CAPN8: variants seen among roughly 807,000 people sequenced by gnomAD.
The protein encoded by CAPN8 is calpain 8, also known as calpain-8.
A neutral mutation model predicts 80.9 loss-of-function variants in CAPN8; 87 were observed. The observed-to-expected ratio is 1.07, with a 90% confidence interval of 0.90 to 1.28. The LOEUF (loss-of-function observed/expected upper bound fraction) is 1.28, where lower values mean the gene tolerates loss of function less well. CAPN8 is among the 50% of genes most tolerant of loss of function. The pLI is 0.00. For synonymous variants in CAPN8, 299 were observed against 273.8 expected, an observed-to-expected ratio of 1.09 and a Z score of -0.91; for missense variants, 757 against 702.0, an observed-to-expected ratio of 1.08 and a Z score of -0.89.
chr1:223,551,524 G>A (rs984208290), intron 14 of CAPN8, among the ~76,000 whole-genome samples: 1 of 152,214 alleles, frequency 6.6e-6, no homozygotes, highest in Admixed American at 6.5e-5. Flanking sequence ...CCTGGCCAGA[G>A]GTGTGTTAGT....
At chr1:223,612,402 C>A in intron 10 of CAPN8, 145 bp from the exon 11 acceptor site, 1 of 628,930 alleles carries the variant, frequency 1.6e-6, no homozygotes, top group South Asian at 8.7e-5. Flanking sequence ...AGAAGCCAGT[C>A]AGCATTTCTG....
intron 1 of CAPN8, among the ~76,000 whole-genome samples, chr1:223,656,996 T>C (rs1658512197): frequency 6.6e-6 from 1 of 152,146 alleles, no homozygotes; most frequent in Admixed American, 6.5e-5. Context: ...ATACACACAT[T>C]TTTATCACAT....
chr1:223,630,768 G>T (rs1032158959), intron 2 of CAPN8, among the ~76,000 whole-genome samples: 1 of 152,048 alleles, frequency 6.6e-6, no homozygotes, highest in African/African-American at 2.4e-5. Flanking sequence ...GACTAGACCT[G>T]GTAGTCGAGG....
intron 7 of CAPN8, among the ~76,000 whole-genome samples, chr1:223,622,446 C>T (rs1225767769): frequency 6.6e-6 from 1 of 152,166 alleles, no homozygotes; most frequent in Admixed American, 6.5e-5. Context: ...GGGGTTTGGC[C>T]TTTGTCAGTG....
chr1:223,654,284 C>A (rs1433643214), intron 2 of CAPN8, 46 bp downstream of exon 2: 12 of 1,504,098 alleles, frequency 8.0e-6, no homozygotes, highest in Non-Finnish European at 1.1e-5. Flanking sequence ...GACACATACA[C>A]ACCCGCCCTC....
intron 3 of CAPN8, 43 bp downstream of exon 3, chr1:223,628,619 A>G (rs1052660612): frequency 2.1e-6 from 3 of 1,453,972 alleles, no homozygotes; most frequent in African/African-American, 1.4e-5. Context: ...GAGCCCTAAG[A>G]ATACGGAAAA....
intron 19 of CAPN8, among the ~76,000 whole-genome samples, chr1:223,543,851 C>T (rs1656540132): frequency 6.6e-6 from 1 of 152,236 alleles, no homozygotes; most frequent in South Asian, 2.1e-4. Context: ...AAAAAGGCAT[C>T]CTCCGTCCTG....
intron 13 of CAPN8, among the ~76,000 whole-genome samples, chr1:223,556,591 C>A (rs963921181): frequency 6.6e-6 from 1 of 152,044 alleles, no homozygotes; most frequent in Non-Finnish European, 1.5e-5. Flanking sequence ...CAATGTGGAC[C>A]CATGACCAGA....
chr1:223,541,780 G>T lies in CAPN8; in HGVS notation c.*56C>A. 2 of 1,551,288 alleles carry T rather than the reference G, an allele frequency of 1.3e-6. No homozygotes were observed. Among genetic ancestry groups the T allele is most frequent in the Non-Finnish European group, 1.7e-6 (2 of 1,146,842 alleles). The stretch of plus-strand genomic sequence containing the variant: ...AATGTTCACAAAATTGTAGAGAAGG[G>T]GTGACAAGAAGCAAGCAGTGGGGCA... On this transcript the variant is annotated 3_prime_UTR_variant, in exon 21 of 21. Coordinates refer to ENST00000366872, the MANE Select transcript of CAPN8 (RefSeq NM_001143962.2).
chr1:223,648,581 A>C (rs533430911), intron 2 of CAPN8, among the ~76,000 whole-genome samples: 1 of 152,316 alleles, frequency 6.6e-6, no homozygotes, highest in South Asian at 2.1e-4. Context: ...GCCTCGCTCC[A>C]TGGGGGAGCG....
In CAPN8 at chr1:223,646,771, G is replaced by A. The variant is rs536777405; in HGVS notation, c.307+7559C>T. On this transcript the variant is annotated intron_variant, in intron 2 of 20. Coordinates refer to ENST00000366872, the MANE Select transcript of CAPN8 (RefSeq NM_001143962.2). ...AGAAATTGTCCTTAGGCCCTGGGAC[G>A]ATGTCTGCAAAACTGAAGCCACAGG... Among the ~76,000 whole-genome samples, 4 of 152,178 alleles carry A rather than the reference G, an allele frequency of 2.6e-5. No individual in the cohort carries two copies. In the South Asian group the frequency reaches 8.3e-4, roughly 32 times the overall value.
chr1:223,618,566 C>A (rs1254112073), intron 9 of CAPN8, among the ~76,000 whole-genome samples: 2 of 152,232 alleles, frequency 1.3e-5, no homozygotes, highest in Admixed American at 1.3e-4. Context: ...AGCGCACCAT[C>A]AGCCACTCTG....
At chr1:223,555,492 A>G (rs1656883214) in intron 13 of CAPN8, among the ~76,000 whole-genome samples, 1 of 152,256 alleles carries the variant, frequency 6.6e-6, no homozygotes, top group African/African-American at 2.4e-5. Flanking sequence ...AGAAGAAAAA[A>G]TGATAAACAC....
intron 2 of CAPN8, among the ~76,000 whole-genome samples, chr1:223,652,915 C>T (rs12132899): frequency 0.065 from 9,884 of 152,030 alleles, 465 homozygotes; most frequent in East Asian, 0.2. Flanking sequence ...CATGGTAACG[C>T]TCAGGCCGCT....
chr1:223,549,403 G>A (rs979813069), intron 15 of CAPN8, 21 bp from the exon 16 acceptor site: 80 of 1,551,546 alleles, frequency 5.2e-5, no homozygotes, highest in Non-Finnish European at 5.6e-5. Context: ...AAATAGAAAA[G>A]GGGAGTGGGA....
chr1:223,618,143 GGCAGGGAACATGGGGA>G (rs1657256607), intron 9 of CAPN8: 1 of 1,341,322 alleles, frequency 7.5e-7, no homozygotes, highest in Non-Finnish European at 1.0e-6. Flanking sequence ...CAGCAAACCA[GGCAGGGAACATGGGGA>G]GCAGGAGGTG....
intron 2 of CAPN8, among the ~76,000 whole-genome samples, chr1:223,648,480 G>T (rs960318867): frequency 6.6e-6 from 1 of 152,172 alleles, no homozygotes; most frequent in Non-Finnish European, 1.5e-5. Context: ...CAGATCAAAA[G>T]GTGTCCAGGA....
Position 223,616,073 on chromosome 1 carries a change from C to T in CAPN8, c.1208G>A (p.Gly403Asp), listed in dbSNP as rs1657171593. 1.3e-6 allele frequency: 2 copies of T among 1,552,064 alleles called. No individual in the cohort carries two copies. The highest frequency in any genetic ancestry group is 1.7e-6 in the Non-Finnish European group (2 of 1,147,100). Residue 403 changes from glycine to aspartate, a missense_variant, in exon 10 of 21, where the codon GGT (glycine) becomes GAT (aspartate). Coordinates refer to ENST00000366872, the MANE Select transcript of CAPN8 (RefSeq NM_001143962.2). Reference protein sequence around the residue: ...EVDEDQEESIGEPCCTVLLGL... With the variant: ...EVDEDQEESIDEPCCTVLLGL... ...CAGCAGCACTGTACAGCAGGGTTCA[C>T]CGATGCTCTCCTCCTGGTCCTCATC...
At chr1:223,651,465 C>T (rs528329985) in intron 2 of CAPN8, among the ~76,000 whole-genome samples, 15 of 152,182 alleles carry the variant, frequency 9.9e-5, no homozygotes, top group Non-Finnish European at 1.2e-4. Context: ...AAAGCCAGCT[C>T]CTGGGCTCTA....
Sources: allele counts gnomAD v4.1 joint callset (sites outside exome capture counted in the v4.1 genomes callset), GRCh38; gene constraint gnomAD v4.1.1; transcripts MANE v1.5; gene names NCBI Gene and HGNC (gene_info 2026-07-23, HGNC 2026-07-21).